KIF21A: variants seen among roughly 807,000 people sequenced by gnomAD.
KIF21A encodes kinesin family member 21A, also known as kinesin-like protein KIF21A.
Under a neutral mutation model 202.9 loss-of-function variants are expected in KIF21A, and 114 were observed. The ratio of observed to expected loss-of-function variants is 0.56; its 90% CI spans 0.48 to 0.66. The LOEUF (loss-of-function observed/expected upper bound fraction) is 0.66, where lower values mean the gene tolerates loss of function less well. Among genes scored for constraint, KIF21A ranks in the 30% least tolerant of loss-of-function variants. The pLI, the probability that KIF21A is intolerant of heterozygous loss-of-function variation, is 0.00. For synonymous variants in KIF21A, 667 were observed against 670.8 expected, an observed-to-expected ratio of 0.99 and a Z score of 0.09; for missense variants, 1,677 against 1,994.9, an observed-to-expected ratio of 0.84 and a Z score of 3.04.
chr12:39,323,717 T>C (rs1371999782), intron 26 of KIF21A, among the ~76,000 whole-genome samples: 1 of 152,170 alleles, frequency 6.6e-6, no homozygotes, highest in Non-Finnish European at 1.5e-5. Context: ...AGCAAACTTG[T>C]TTTTTCAGCT....
chr12:39,315,707 G>T (rs1944459906), intron 30 of KIF21A, among the ~76,000 whole-genome samples: 1 of 151,152 alleles, frequency 6.6e-6, no homozygotes. Context: ...CAGAAAACAG[G>T]TATCACAATT....
rs775049928 is a variant in KIF21A, at chr12:39,315,946, G to A, written c.3933C>T (p.Leu1311=). Residue 1311 remains leucine, a synonymous_variant, in exon 30 of 38, where the codon CTC becomes CTT. Coordinates refer to ENST00000361418, the MANE Select transcript of KIF21A (RefSeq NM_001173464.2). ...AAAGAAAGTACCTGTGTACCTCCGA[G>A]AGAGAGGAGTCACTTTCATCAGACC... ...QDKSDESDSS[L]SEVHRSSRRG... 6 of 1,605,960 alleles carry A rather than the reference G, an allele frequency of 3.7e-6. No individual in the cohort carries two copies. In the South Asian group the frequency reaches 5.5e-5, roughly 15 times the overall value.
At chr12:39,427,814 A>C (rs771619476) in intron 1 of KIF21A, among the ~76,000 whole-genome samples, 20 of 152,148 alleles carry the variant, frequency 1.3e-4, no homozygotes, top group Non-Finnish European at 2.5e-4. Context: ...GCCTGCCACC[A>C]CACCCAGCTA....
At chr12:39,333,434 C>T (rs140906149) in intron 17 of KIF21A, among the ~76,000 whole-genome samples, 154 bp from the exon 18 acceptor site, 1 of 152,234 alleles carries the variant, frequency 6.6e-6, no homozygotes, top group African/African-American at 2.4e-5. Context: ...ACAGGTACAG[C>T]TATTTTATTC....
In KIF21A at chr12:39,341,637, G is replaced by A. The variant is rs376342352; in HGVS notation, c.1804-15C>T. 322 of 1,591,524 alleles carry A rather than the reference G, an allele frequency of 2.0e-4. No homozygotes were observed. The highest frequency in any genetic ancestry group is 2.5e-4 in the Non-Finnish European group (295 of 1,168,890). On this transcript the variant is annotated splice_polypyrimidine_tract_variant and intron_variant, in intron 13 of 37. Transcript: ENST00000361418. ...TGACTTTCTTCCTAAAATGTGATTT[G>A]TAAAAATTAATAGCACAATATTGGC...
At chr12:39,315,366 G>GA (rs1415416043) in intron 30 of KIF21A, 126 bp from the exon 31 acceptor site, 1 of 769,472 alleles carries the variant, frequency 1.3e-6, no homozygotes, top group Non-Finnish European at 2.2e-6. Context: ...AGGACCCCCA[G>GA]AAAAATCCAT....
chr12:39,341,474 A>G (rs1947439089), intron 14 of KIF21A, 31 bp downstream of exon 14: 2 of 1,605,552 alleles, frequency 1.2e-6, no homozygotes, highest in Non-Finnish European at 8.5e-7. Flanking sequence ...TCCCAAAATG[A>G]ATTTTTGCCC....
Position 39,340,446 on chromosome 12 carries a change from G to A in KIF21A, c.2111-82C>T, listed in dbSNP as rs975405685. ...CACAGATTTACAGTCCATATCCTAA[G>A]AGAAGAGCTACTTCCCAAACACCCA... On this transcript the variant is annotated intron_variant, in intron 15 of 37. Coordinates refer to ENST00000361418, the MANE Select transcript of KIF21A (RefSeq NM_001173464.2). 7 of 1,055,424 alleles carry A rather than the reference G, an allele frequency of 6.6e-6. No homozygotes were observed. In the African/African-American group the frequency reaches 8.0e-5, roughly 12 times the overall value. The allele number at this position is 1,055,424 out of a possible 1,614,324, so 65.4% of individuals were successfully genotyped here. A position where few individuals can be genotyped will look rare whatever the true frequency, so the allele number is the denominator to read the frequency against.
intron 1 of KIF21A, among the ~76,000 whole-genome samples, chr12:39,416,791 A>ATATATATGTACATATATATGTG (rs1566270780): frequency 8.0e-5 from 10 of 124,992 alleles, no homozygotes; most frequent in Non-Finnish European, 4.8e-5. Context: ...ATATATGTGT[A>ATATATATGTACATATATATGTG]TATATATGTA....
chr12:39,421,833 T>C (rs2140234861), intron 1 of KIF21A, among the ~76,000 whole-genome samples: 1 of 147,452 alleles, frequency 6.8e-6, no homozygotes, highest in Non-Finnish European at 1.5e-5. Flanking sequence ...TTTTATATAT[T>C]ATATAATTAC....
intron 10 of KIF21A, among the ~76,000 whole-genome samples, chr12:39,355,245 C>T (rs1948675619): frequency 6.6e-6 from 1 of 152,124 alleles, no homozygotes; most frequent in Non-Finnish European, 1.5e-5. Context: ...AGAAGGAAGA[C>T]ATTAGATGCT....
intron 35 of KIF21A, 79 bp downstream of exon 35, chr12:39,304,742 A>C: frequency 1.3e-6 from 1 of 776,930 alleles, no homozygotes. Flanking sequence ...AATAAGAGAA[A>C]GAGGTCCTAG....
At chr12:39,345,055 T>A (rs1387141932) in intron 12 of KIF21A, among the ~76,000 whole-genome samples, 1 of 152,122 alleles carries the variant, frequency 6.6e-6, no homozygotes, top group Non-Finnish European at 1.5e-5. Flanking sequence ...AATCTCAGGC[T>A]CCACCTCAGT....
rs77844381 is a variant in KIF21A, at chr12:39,442,149, C to G, written c.44+778G>C. Among the ~76,000 whole-genome samples the G allele has an allele frequency of 0.065, 9,890 of 152,152 alleles. 1,082 individuals carry two copies. Among genetic ancestry groups the G allele is most frequent in the African/African-American group, 0.23 (9,360 of 41,466 alleles). ...GTACCTAGTATTTCCAGACTCACAC[C>G]CTGGCCTGGGTAACGTTACGATTAC... On this transcript the variant is annotated intron_variant, in intron 1 of 37. Coordinates refer to ENST00000361418, the MANE Select transcript of KIF21A (RefSeq NM_001173464.2). The surrounding 1 kb of genome is among the most constrained non-coding windows in gnomAD (Gnocchi z 5.0).
chr12:39,351,873 G>A lies in KIF21A; in HGVS notation c.1577C>T (p.Thr526Ile). 2 of 1,611,664 alleles carry A rather than the reference G, an allele frequency of 1.2e-6. No individual in the cohort carries two copies. The highest frequency in any genetic ancestry group is 1.1e-5 in the South Asian group (1 of 90,986). The change falls in exon 11 of 38, where the codon ACC becomes ATC. Residue 526 changes from threonine to isoleucine, a missense_variant. This residue lies in a region of KIF21A where 966 missense variants were observed against 1,180.9 expected (regional missense o/e 0.82). Coordinates refer to ENST00000361418, the MANE Select transcript of KIF21A (RefSeq NM_001173464.2). ...YFSGSSTFSP[T>I]ILSSDKETIE... Reference sequence around the variant, plus strand: ...GGTTTCTTTGTCTGAGGATAGTATGGTAGGAGAAAAAGTTGATGATCCGCT... The same window carrying A: ...GGTTTCTTTGTCTGAGGATAGTATGATAGGAGAAAAAGTTGATGATCCGCT...
At chr12:39,313,550 G>T (rs1276684555) in intron 31 of KIF21A, among the ~76,000 whole-genome samples, 1 of 151,866 alleles carries the variant, frequency 6.6e-6, no homozygotes, top group African/African-American at 2.4e-5. Context: ...TCCACAGGTA[G>T]TTGAAGAGTC....
chr12:39,430,026 A>T (rs1937640449), intron 1 of KIF21A, among the ~76,000 whole-genome samples: 1 of 152,106 alleles, frequency 6.6e-6, no homozygotes, highest in Non-Finnish European at 1.5e-5. Context: ...TGGCCATCCG[A>T]AATTCTGAAC....
At chr12:39,378,661 T>C (rs948109635) in intron 1 of KIF21A, among the ~76,000 whole-genome samples, 10 of 152,176 alleles carry the variant, frequency 6.6e-5, no homozygotes, top group Admixed American at 5.9e-4. Context: ...TTTCATTTGG[T>C]CAACAGTGCC....
intron 1 of KIF21A, among the ~76,000 whole-genome samples, chr12:39,412,269 A>G (rs1953160172): frequency 6.6e-6 from 1 of 152,236 alleles, no homozygotes; most frequent in Admixed American, 6.5e-5. Flanking sequence ...GCACATGGCA[A>G]CATGATGTTT....
Sources: gnomAD v4.1 joint callset for allele counts (sites outside exome capture counted in the v4.1 genomes callset) on GRCh38, gnomAD v4.1.1 for gene constraint, gnomAD v4.1.1 regional missense constraint, Gnocchi (gnomAD v3.1) non-coding constraint, MANE v1.5 for transcripts, NCBI Gene and HGNC (gene_info 2026-07-23, HGNC 2026-07-21) for gene names.